NXN: variants seen among roughly 807,000 people sequenced by gnomAD.
NXN encodes the protein nucleoredoxin.
In NXN, 16 loss-of-function variants were observed where a neutral mutation model predicts 48.6. That is an observed-to-expected ratio of 0.33 (90% confidence interval 0.22 to 0.50). NXN has a LOEUF of 0.50. Ranked by LOEUF, NXN falls within the 20% of genes least tolerant of loss-of-function variation. The pLI is 0.98. For synonymous variants in NXN, 281 were observed against 269.6 expected (o/e 1.04, Z -0.41); for missense variants, 492 against 605.5 (o/e 0.81, Z 1.97).
intron 1 of NXN, among the ~76,000 whole-genome samples, chr17:915,004 G>A (rs1162933276): frequency 2.0e-5 from 3 of 151,610 alleles, no homozygotes; most frequent in African/African-American, 7.3e-5. Context: ...GTGCGATCTC[G>A]GCTCACTCCA....
intron 5 of NXN, among the ~76,000 whole-genome samples, chr17:812,152 C>G (rs557699513): frequency 1.5e-3 from 230 of 151,306 alleles, no homozygotes; most frequent in African/African-American, 5.4e-3. Context: ...CGGTCTCGAT[C>G]TCCTGACCTC....
At position 931,049 on chromosome 17, in the gene NXN, G is replaced by A. The variant is rs62067207; in HGVS notation, c.360+48270C>T. 8.2e-3 allele frequency among the ~76,000 whole-genome samples: 1,246 copies of A among 152,280 alleles called. 8 individuals carry two copies. Among genetic ancestry groups the A allele is most frequent in the Non-Finnish European group, 0.012 (833 of 68,006 alleles). ...CTCCCAAAGTGCCGGGATTACAGGC[G>A]TGAGCCACCGCACCCGGCTGGTGAG... On this transcript the variant is annotated intron_variant, in intron 1 of 7. Coordinates refer to ENST00000336868, the MANE Select transcript of NXN (RefSeq NM_022463.5).
At chr17:807,355 C>T (rs920490509) in intron 5 of NXN, among the ~76,000 whole-genome samples, 9 of 152,324 alleles carry the variant, frequency 5.9e-5, no homozygotes, top group Non-Finnish European at 8.8e-5. Context: ...GGCCAGCCTG[C>T]GTGTGCCCCG....
chr17:908,406 G>A lies in NXN; in HGVS notation c.360+70913C>T, dbSNP rs376563077. 5.3e-5 allele frequency among the ~76,000 whole-genome samples: 8 copies of A among 152,072 alleles called. No homozygotes were observed. In the East Asian group the frequency reaches 1.4e-3, roughly 26 times the overall value. On this transcript the variant is annotated intron_variant, in intron 1 of 7. Transcript: ENST00000336868. ...CAGAAATTAGCCAGGCATGTTGGTG[G>A]GAGCCTGTAATCCCAGCTACTTGGG...
chr17:885,700 T>TTTTTTTTTA, intron 1 of NXN, among the ~76,000 whole-genome samples: 1 of 93,510 alleles, frequency 1.1e-5, no homozygotes, highest in Non-Finnish European at 2.2e-5. Flanking sequence ...TTTTTTTTTT[T>TTTTTTTTTA]GAGACAGAGT....
intron 1 of NXN, among the ~76,000 whole-genome samples, chr17:976,042 G>A (rs1242991349): frequency 6.6e-6 from 1 of 152,174 alleles, no homozygotes; most frequent in Non-Finnish European, 1.5e-5. Flanking sequence ...TTTATGCACA[G>A]CTATATAATA....
Position 837,352 on chromosome 17 carries a change from C to T in NXN, c.361-11274G>A, listed in dbSNP as rs531918710. 2.0e-5 allele frequency among the ~76,000 whole-genome samples: 3 copies of T among 152,278 alleles called. No individual in the cohort carries two copies. The South Asian group carries it at 6.2e-4, about 32-fold the overall frequency. On this transcript the variant is annotated intron_variant, in intron 1 of 7. Transcript: ENST00000336868. ...AGAGGTAAGGCCCAGTCTTGGATCCCCTTGCTCCTGAGGCATGATTCCCAG... is the reference window on the plus strand; with the variant it reads ...AGAGGTAAGGCCCAGTCTTGGATCCTCTTGCTCCTGAGGCATGATTCCCAG...
At chr17:836,357 T>C (rs1459597122) in intron 1 of NXN, among the ~76,000 whole-genome samples, 1 of 152,214 alleles carries the variant, frequency 6.6e-6, no homozygotes, top group Non-Finnish European at 1.5e-5. Flanking sequence ...GCAAACTCCT[T>C]GGCCAGGTCA....
Position 979,496 on chromosome 17 carries a change from C to T in NXN, c.183G>A (p.Arg61=), listed in dbSNP as rs767201883. The stretch of plus-strand genomic sequence containing the variant: ...GCCCCGGCCCGGCCGCCGCGTCCCC[C>T]CGCAGGCGCCCGTAGAAGGCGGCCA... ...ASLAAFYGRL[R]GDAAAGPGPG... The change falls in exon 1 of 8, where the codon CGG becomes CGA. Residue 61 remains arginine (R), a synonymous_variant. Coordinates refer to ENST00000336868, the MANE Select transcript of NXN (RefSeq NM_022463.5). The T allele has an allele frequency of 4.9e-5, 59 of 1,215,042 alleles. No homozygotes were observed. In the South Asian group the frequency reaches 6.9e-4, roughly 14 times the overall value. 75.3% of individuals were successfully genotyped at this position (1,215,042 alleles called of 1,614,324 possible).
At chr17:974,753 A>G (rs2069438219) in intron 1 of NXN, among the ~76,000 whole-genome samples, 1 of 152,134 alleles carries the variant, frequency 6.6e-6, no homozygotes, top group Non-Finnish European at 1.5e-5. Context: ...ATTAAAAAAT[A>G]TATTACAAAT....
intron 1 of NXN, among the ~76,000 whole-genome samples, chr17:924,836 G>A (rs58599763): frequency 0.21 from 32,282 of 152,222 alleles, 5,561 homozygotes; most frequent in African/African-American, 0.48. Context: ...TTCGGTGTAA[G>A]TTACTTTCAT....
chr17:842,442 C>T, intron 1 of NXN: 3 of 884,568 alleles, frequency 3.4e-6, no homozygotes, highest in Non-Finnish European at 4.1e-6. Context: ...GGCTGCAGTT[C>T]CGTGATCCCG....
intron 1 of NXN, among the ~76,000 whole-genome samples, chr17:893,267 G>A (rs2068442833): frequency 6.6e-6 from 1 of 152,164 alleles, no homozygotes; most frequent in Non-Finnish European, 1.5e-5. Flanking sequence ...GAGTGCGCAT[G>A]GGTTGTGGAC....
intron 5 of NXN, among the ~76,000 whole-genome samples, chr17:816,815 A>C (rs1912493935): frequency 6.6e-6 from 1 of 151,860 alleles, no homozygotes; most frequent in South Asian, 2.1e-4. Context: ...AGCCCTCCTG[A>C]CCCCCACACA....
chr17:950,787 G>A, intron 1 of NXN, among the ~76,000 whole-genome samples: 1 of 152,008 alleles, frequency 6.6e-6, no homozygotes. Context: ...ACGCAACACT[G>A]TTCCCAAGAT....
In NXN at chr17:978,166, T is replaced by G. The variant is rs947297741; in HGVS notation, c.360+1153A>C. On this transcript the variant is annotated intron_variant, in intron 1 of 7. Transcript: ENST00000336868. This position sits in a 1 kb window ranked among gnomAD's most constrained non-coding sequence, Gnocchi z 4.1. ...CCTCGCCATGCTCCCCAGAGGAAACTAAACGCCCCCAGAATAGCCCTTCTG... is the reference window on the plus strand; with the variant it reads ...CCTCGCCATGCTCCCCAGAGGAAACGAAACGCCCCCAGAATAGCCCTTCTG... 3.3e-5 allele frequency: 5 copies of G among 152,128 alleles called. No individual in the cohort carries two copies. Among genetic ancestry groups the G allele is most frequent in the Non-Finnish European group, 7.3e-5 (5 of 68,050 alleles). 9.4% of individuals were successfully genotyped at this position (152,128 alleles called of 1,614,324 possible).
intron 1 of NXN, among the ~76,000 whole-genome samples, chr17:921,707 C>G (rs1346465278): frequency 6.8e-6 from 1 of 147,924 alleles, no homozygotes; most frequent in Non-Finnish European, 1.5e-5. Context: ...ACCTGGCCGG[C>G]CCAGGCTCTC....
intron 1 of NXN, among the ~76,000 whole-genome samples, chr17:832,354 T>TG (rs11437187): frequency 2.9e-5 from 1 of 34,308 alleles, no homozygotes; most frequent in Admixed American, 4.3e-4. Flanking sequence ...CTATTTTGTA[T>TG]TTTTTTTTTT....
At chr17:943,966 G>A (rs138036042) in intron 1 of NXN, among the ~76,000 whole-genome samples, 13 of 151,114 alleles carry the variant, frequency 8.6e-5, no homozygotes, top group East Asian at 7.9e-4. Context: ...GGCCGGGCAC[G>A]GTGGCTCACG....
Sources: allele counts gnomAD v4.1 joint callset (sites outside exome capture counted in the v4.1 genomes callset), GRCh38; gene constraint gnomAD v4.1.1; non-coding constraint Gnocchi (gnomAD v3.1); transcripts MANE v1.5; gene names NCBI Gene and HGNC (gene_info 2026-07-23, HGNC 2026-07-21).